The following FHIT variants were observed in gnomAD, a reference collection of about 807,000 sequenced individuals.
FHIT encodes the protein bis(5'-adenosyl)-triphosphatase.
A neutral mutation model predicts 17.9 loss-of-function variants in FHIT; 19 were observed. The observed-to-expected ratio is 1.06, with a 90% CI of 0.74 to 1.56. The LOEUF (loss-of-function observed/expected upper bound fraction) is 1.56, where lower values mean the gene tolerates loss of function less well. Ranked by LOEUF, FHIT falls within the 40% of genes most tolerant of loss-of-function variation. The pLI is 0.00. For missense variants in FHIT, 248 were observed against 189.2 expected, an observed-to-expected ratio of 1.31 and a Z score of -1.82; for synonymous variants, 81 against 69.7, an observed-to-expected ratio of 1.16 and a Z score of -0.81.
rs143005807 is a variant in FHIT at position 59,900,330 on chromosome 3, C to A, written c.348+22016G>T. Among the ~76,000 whole-genome samples the A allele has an allele frequency of 6.7e-3, 1,020 of 152,346 alleles. 5 individuals carry two copies. The highest frequency in any genetic ancestry group is 0.012 in the Non-Finnish European group (811 of 68,022). On this transcript the variant is annotated intron_variant, in intron 8 of 9. Transcript: ENST00000492590. ...AGGCCTGTCCGCAGAACAGGTGAGGCTACATGGCCTTCAACCACGTGATGT... is the reference window on the plus strand; with the variant it reads ...AGGCCTGTCCGCAGAACAGGTGAGGATACATGGCCTTCAACCACGTGATGT...
intron 1 of FHIT, among the ~76,000 whole-genome samples, chr3:61,234,490 G>A (rs958496304): frequency 3.3e-5 from 5 of 152,082 alleles, no homozygotes; most frequent in African/African-American, 1.2e-4. Flanking sequence ...AAAACTGTAT[G>A]TAAAGTATTA....
chr3:60,798,892 G>A lies in FHIT; in HGVS notation c.-18+23027C>T, dbSNP rs577250560. Among the ~76,000 whole-genome samples, 10 of 151,234 alleles carry A rather than the reference G, an allele frequency of 6.6e-5. No individual in the cohort carries two copies. The South Asian group carries it at 1.7e-3, about 25-fold the overall frequency. On this transcript the variant is annotated intron_variant, in intron 4 of 9. Coordinates refer to ENST00000492590, the MANE Select transcript of FHIT (RefSeq NM_002012.4). ...TGTGCATCAGCCTCCCAAGTAGCTG[G>A]GATCACAGGTGTGCACCACCACGCC...
intron 3 of FHIT, among the ~76,000 whole-genome samples, chr3:61,025,200 C>G (rs908623343): frequency 3.9e-5 from 6 of 152,106 alleles, no homozygotes; most frequent in African/African-American, 1.4e-4. Flanking sequence ...TTTATTAGGC[C>G]AAACCACACA....
chr3:60,755,120 C>T (rs2042546839), intron 4 of FHIT, among the ~76,000 whole-genome samples: 1 of 152,180 alleles, frequency 6.6e-6, no homozygotes, highest in Non-Finnish European at 1.5e-5. Context: ...CCTACCAATA[C>T]CTCAAGGTCC....
intron 5 of FHIT, among the ~76,000 whole-genome samples, chr3:60,440,402 G>C (rs563547975): frequency 2.0e-5 from 3 of 152,118 alleles, no homozygotes; most frequent in South Asian, 2.1e-4. Context: ...ATTTTGAAAG[G>C]AATTGTAGGC....
At chr3:61,223,274 G>A (rs1306578755) in intron 1 of FHIT, among the ~76,000 whole-genome samples, 1 of 152,192 alleles carries the variant, frequency 6.6e-6, no homozygotes, top group Non-Finnish European at 1.5e-5. Flanking sequence ...GCAGAACAGA[G>A]TTGACCTCTT....
At chr3:59,861,300 G>C (rs1260022915) in intron 8 of FHIT, among the ~76,000 whole-genome samples, 1 of 152,162 alleles carries the variant, frequency 6.6e-6, no homozygotes, top group Non-Finnish European at 1.5e-5. Flanking sequence ...CTGATTGGGA[G>C]GCTGTGGAAT....
At chr3:60,495,026 T>C (rs990011955) in intron 5 of FHIT, among the ~76,000 whole-genome samples, 9 of 152,198 alleles carry the variant, frequency 5.9e-5, no homozygotes, top group African/African-American at 4.8e-5. Context: ...GCTCTACTTT[T>C]AGTTTTCTGA....
In FHIT at chr3:60,293,839, A is replaced by G. The variant is rs115663950; in HGVS notation, c.103+243021T>C. Among the ~76,000 whole-genome samples, 340 of 152,294 alleles carry G rather than the reference A, an allele frequency of 2.2e-3. 3 individuals are homozygous for G. Among genetic ancestry groups the G allele is most frequent in the African/African-American group, 7.9e-3 (330 of 41,586 alleles). ...TCAAATTATACCAGTCAAGTTTTAC[A>G]TGAATTAAGTCCTATTTTGAGCTAG... On this transcript the variant is annotated intron_variant, in intron 5 of 9. Coordinates refer to ENST00000492590, the MANE Select transcript of FHIT (RefSeq NM_002012.4).
At chr3:61,234,990 G>A (rs2040193565) in intron 1 of FHIT, among the ~76,000 whole-genome samples, 1 of 152,136 alleles carries the variant, frequency 6.6e-6, no homozygotes, top group Non-Finnish European at 1.5e-5. Context: ...GAAAAATATT[G>A]ATGTTTCCTT....
Position 60,485,309 on chromosome 3 carries a change from G to A in FHIT, c.103+51551C>T, listed in dbSNP as rs558678334. Among the ~76,000 whole-genome samples, 33 of 152,176 alleles carry A rather than the reference G, an allele frequency of 2.2e-4. 1 individual carries two copies. The highest frequency in any genetic ancestry group is 7.7e-4 in the African/African-American group (32 of 41,536). On this transcript the variant is annotated intron_variant, in intron 5 of 9. Transcript: ENST00000492590. ...CCAGCAATCCCATTACCAGGTATAT[G>A]CCCAAAAGAATATAAATCATTCTAC...
intron 8 of FHIT, among the ~76,000 whole-genome samples, chr3:59,895,473 A>G (rs1361892973): frequency 6.6e-6 from 1 of 152,228 alleles, no homozygotes; most frequent in Non-Finnish European, 1.5e-5. Flanking sequence ...AACAGAGAAG[A>G]CATATCAGAA....
chr3:61,042,830 C>A (rs1462974840), intron 2 of FHIT, among the ~76,000 whole-genome samples: 4 of 145,300 alleles, frequency 2.8e-5, no homozygotes, highest in Admixed American at 2.7e-4. Flanking sequence ...ACAAAGTGAG[C>A]ATCTGACTCA....
At chr3:60,266,728 T>C (rs1241867858) in intron 5 of FHIT, among the ~76,000 whole-genome samples, 7 of 151,958 alleles carry the variant, frequency 4.6e-5, no homozygotes, top group Admixed American at 4.6e-4. Flanking sequence ...GTCTCTGACA[T>C]AGAGTACCCC....
At chr3:60,228,045 G>A (rs1385540161) in intron 5 of FHIT, among the ~76,000 whole-genome samples, 1 of 152,084 alleles carries the variant, frequency 6.6e-6, no homozygotes, top group Non-Finnish European at 1.5e-5. Context: ...CAAGCCTCTT[G>A]CCTCACAATA....
intron 5 of FHIT, among the ~76,000 whole-genome samples, chr3:60,342,368 G>A (rs766946111): frequency 2.0e-5 from 3 of 152,110 alleles, no homozygotes; most frequent in Non-Finnish European, 2.9e-5. Context: ...TATAACACAG[G>A]GTCTGAGATT....
chr3:60,744,262 A>AAC (rs2042303205), intron 4 of FHIT, among the ~76,000 whole-genome samples: 1 of 81,182 alleles, frequency 1.2e-5, no homozygotes, highest in South Asian at 4.5e-4. Context: ...AAAAAACAAA[A>AAC]CAAAACAAAA....
intron 5 of FHIT, among the ~76,000 whole-genome samples, chr3:60,298,660 T>G (rs1708316860): frequency 6.6e-6 from 1 of 152,190 alleles, no homozygotes; most frequent in African/African-American, 2.4e-5. Context: ...GTGTTCTGTT[T>G]TTATCACAAA....
chr3:60,118,373 G>C (rs865777760), intron 5 of FHIT, among the ~76,000 whole-genome samples: 2 of 151,220 alleles, frequency 1.3e-5, no homozygotes, highest in Non-Finnish European at 2.9e-5. Flanking sequence ...CTCCCAAAGC[G>C]CTGGGATTAT....
Sources: gnomAD v4.1 joint callset for allele counts (sites outside exome capture counted in the v4.1 genomes callset) on GRCh38, gnomAD v4.1.1 for gene constraint, MANE v1.5 for transcripts, NCBI Gene and HGNC (gene_info 2026-07-23, HGNC 2026-07-21) for gene names.